PTK2: variants seen among roughly 807,000 people sequenced by gnomAD.
PTK2 encodes the protein protein tyrosine kinase 2.
A neutral mutation model predicts 150.1 loss-of-function variants in PTK2; 45 were observed. That is an observed-to-expected ratio of 0.30 (90% CI 0.24 to 0.38). The LOEUF (loss-of-function observed/expected upper bound fraction) is 0.38. Among genes scored for constraint, PTK2 ranks in the 10% least tolerant of loss-of-function variants. The probability of loss-of-function intolerance (pLI) is 1.00; values close to 1 mark genes in which losing one functional copy is unlikely to be tolerated. For synonymous variants in PTK2, 432 were observed against 449.2 expected, an observed-to-expected ratio of 0.96 and a Z score of 0.48; for missense variants, 919 against 1,307.3, an observed-to-expected ratio of 0.70 and a Z score of 4.58.
rs878880329 is a variant in PTK2 at position 140,668,275 on chromosome 8, C to T, written c.2859G>A (p.Met953Ile). The T allele has an allele frequency of 2.5e-6, 4 of 1,613,934 alleles. No individual in the cohort carries two copies. In the African/African-American group the frequency reaches 4.0e-5, roughly 16 times the overall value. The change falls in exon 30 of 32, where the codon ATG becomes ATA. Residue 953 changes from methionine (M) to isoleucine (I), a missense_variant. Met to Ile is a conservative substitution (Grantham distance 10). Around this residue, in one of 3 missense-constraint regions of PTK2, gnomAD observed 106 missense variants for 161.8 expected, o/e 0.66. Transcript: ENST00000522684. Reference sequence around the variant, plus strand: ...CAAAATGACTCTATTTTACCTTCACCATAGGGACATACTCCTCTGGTGGGG... The same window carrying T: ...CAAAATGACTCTATTTTACCTTCACTATAGGGACATACTCCTCTGGTGGGG...
intron 14 of PTK2, among the ~76,000 whole-genome samples, chr8:140,772,692 G>A (rs932369246): frequency 1.3e-5 from 2 of 151,262 alleles, no homozygotes; most frequent in Non-Finnish European, 1.5e-5. Context: ...TTTTCACATG[G>A]TTCAAGGAAA....
At position 140,816,349 on chromosome 8, in the gene PTK2, A is replaced by C. The variant is rs541471127; in HGVS notation, c.867+1928T>G. Among the ~76,000 whole-genome samples the C allele has an allele frequency of 1.5e-4, 23 of 152,342 alleles. No individual in the cohort carries two copies. In the East Asian group the frequency reaches 4.4e-3, roughly 29 times the overall value. ...AGAAGTCCTGAAACACAATATCAAA[A>C]AAAAAGCACTTTCACAAAATTTCAC... On this transcript the variant is annotated intron_variant, in intron 10 of 31. Coordinates refer to ENST00000522684, the Ensembl canonical transcript of PTK2.
At chr8:140,845,938 G>A (rs2100125149) in intron 7 of PTK2, among the ~76,000 whole-genome samples, 1 of 152,086 alleles carries the variant, frequency 6.6e-6, no homozygotes, top group Admixed American at 6.5e-5. Context: ...AACTTATACA[G>A]AGAACATGAA....
At chr8:140,974,140 C>G (rs1219695381) in intron 1 of PTK2, among the ~76,000 whole-genome samples, 1 of 152,140 alleles carries the variant, frequency 6.6e-6, no homozygotes, top group Non-Finnish European at 1.5e-5. Context: ...AGTGCAGACT[C>G]CAGAACACAA....
At chr8:140,752,732 G>A (rs1464427206) in intron 16 of PTK2, among the ~76,000 whole-genome samples, 1 of 152,250 alleles carries the variant, frequency 6.6e-6, no homozygotes, top group African/African-American at 2.4e-5. Flanking sequence ...AAAAGGGAGA[G>A]AGCAGATCAG....
intron 7 of PTK2, among the ~76,000 whole-genome samples, chr8:140,837,583 G>A (rs766692088): frequency 1.3e-5 from 2 of 151,496 alleles, no homozygotes; most frequent in Admixed American, 1.3e-4. Context: ...AAAAAAATTA[G>A]CTGGGCGTGG....
intron 18 of PTK2, among the ~76,000 whole-genome samples, chr8:140,745,911 T>A (rs4358842): frequency 1 from 151,752 of 151,756 alleles, 75,874 homozygotes; most frequent in Non-Finnish European, 1. Flanking sequence ...GAGGCAAGAG[T>A]AGTGCTTGAA....
chr8:140,857,101 T>C (rs908913273), intron 5 of PTK2, among the ~76,000 whole-genome samples: 2 of 152,218 alleles, frequency 1.3e-5, no homozygotes, highest in Non-Finnish European at 2.9e-5. Context: ...AGTTAAGCCA[T>C]TGATCAGAGT....
At chr8:140,749,091 T>C (rs1054446202) in intron 17 of PTK2, among the ~76,000 whole-genome samples, 1 of 152,246 alleles carries the variant, frequency 6.6e-6, no homozygotes, top group Admixed American at 6.5e-5. Context: ...GTGTTCTGTC[T>C]AGCTCACTTA....
intron 1 of PTK2, among the ~76,000 whole-genome samples, chr8:140,932,004 T>C (rs913131082): frequency 7.9e-5 from 12 of 151,236 alleles, no homozygotes; most frequent in African/African-American, 2.9e-4. Flanking sequence ...TTGGTGACTC[T>C]TTAGATATTA....
chr8:140,781,903 T>G (rs892164546), intron 14 of PTK2, among the ~76,000 whole-genome samples: 1 of 151,852 alleles, frequency 6.6e-6, no homozygotes, highest in East Asian at 1.9e-4. Flanking sequence ...GCAAAGGGAG[T>G]TCGAATGATG....
At chr8:140,725,657 G>A (rs2100045306) in intron 22 of PTK2, among the ~76,000 whole-genome samples, 1 of 152,176 alleles carries the variant, frequency 6.6e-6, no homozygotes, top group Non-Finnish European at 1.5e-5. Flanking sequence ...TTCAAATTCT[G>A]AGTATATATT....
At chr8:140,971,881 A>G (rs1249275520) in intron 1 of PTK2, among the ~76,000 whole-genome samples, 2 of 152,244 alleles carry the variant, frequency 1.3e-5, no homozygotes, top group Non-Finnish European at 2.9e-5. Context: ...TAACTGTGCA[A>G]TTGAGGTGCT....
intron 29 of PTK2, chr8:140,669,109 G>A (rs1396120207): frequency 1.3e-5 from 2 of 151,844 alleles, no homozygotes; most frequent in East Asian, 1.9e-4. Flanking sequence ...TCTCTCACCC[G>A]GGCAACTGTG....
intron 1 of PTK2, among the ~76,000 whole-genome samples, chr8:140,930,820 T>A (rs994927030): frequency 6.6e-6 from 1 of 152,154 alleles, no homozygotes; most frequent in Admixed American, 6.5e-5. Context: ...ACATCTGTAA[T>A]CCCAGCACTT....
At chr8:140,912,338 A>G (rs2100163530) in intron 2 of PTK2, among the ~76,000 whole-genome samples, 1 of 151,034 alleles carries the variant, frequency 6.6e-6, no homozygotes, top group African/African-American at 2.4e-5. Context: ...TTTTAACATT[A>G]AAAAAAAATT....
chr8:140,993,548 C>A (rs1463222930), intron 1 of PTK2, among the ~76,000 whole-genome samples: 1 of 152,158 alleles, frequency 6.6e-6, no homozygotes, highest in Non-Finnish European at 1.5e-5. Context: ...ATATGTAACA[C>A]ATAAAACTGT....
chr8:140,807,526 G>C (rs1333770548), intron 10 of PTK2, among the ~76,000 whole-genome samples: 1 of 152,122 alleles, frequency 6.6e-6, no homozygotes, highest in Non-Finnish European at 1.5e-5. Context: ...AAGAGCACTT[G>C]AGAAGGAGAA....
intron 1 of PTK2, among the ~76,000 whole-genome samples, chr8:140,950,694 T>C (rs1448228): frequency 0.97 from 147,979 of 152,314 alleles, 72,003 homozygotes; most frequent in East Asian, 1. Flanking sequence ...TGAAGCGGCA[T>C]CCCAAAGATC....
Sources: allele counts gnomAD v4.1 joint callset (sites outside exome capture counted in the v4.1 genomes callset), GRCh38; gene constraint gnomAD v4.1.1; regional missense constraint gnomAD v4.1.1; transcripts MANE v1.5; gene names NCBI Gene and HGNC (gene_info 2026-07-23, HGNC 2026-07-21).